The following GRM8 variants were observed in gnomAD, a reference collection of about 807,000 sequenced individuals.
GRM8 encodes metabotropic glutamate receptor 8.
A neutral mutation model predicts 87.2 loss-of-function variants in GRM8; 47 were observed. The observed-to-expected ratio is 0.54, with a 90% CI of 0.43 to 0.69. The LOEUF (loss-of-function observed/expected upper bound fraction) is 0.69. Ranked by LOEUF, GRM8 falls within the 30% of genes least tolerant of loss-of-function variation. The probability of loss-of-function intolerance (pLI) is 0.00; values close to 1 mark genes in which losing one functional copy is unlikely to be tolerated. For synonymous variants in GRM8, 396 were observed against 404.5 expected (o/e 0.98, Z 0.25); for missense variants, 1,019 against 1,139.2 (o/e 0.89, Z 1.52).
chr7:127,017,166 A>G (rs752614587), intron 3 of GRM8, among the ~76,000 whole-genome samples: 1 of 152,098 alleles, frequency 6.6e-6, no homozygotes, highest in Non-Finnish European at 1.5e-5. Flanking sequence ...CTGTTTTCTG[A>G]TATTTTCATC....
Position 126,902,687 on chromosome 7 carries a change from A to C in GRM8, c.1019-8T>G. 1 of 1,555,784 alleles carries C rather than the reference A, an allele frequency of 6.4e-7. No homozygotes were observed. The highest frequency in any genetic ancestry group is 1.2e-5 in the South Asian group (1 of 84,564). On this transcript the variant is annotated splice_region_variant and splice_polypyrimidine_tract_variant and intron_variant, in intron 5 of 10. Transcript: ENST00000339582. Reference sequence around the variant, plus strand: ...TAAAGTATCGATCAAATCCTATTTCAAAGGAGAAAGGTATGATTTTAATAT... The same window carrying C: ...TAAAGTATCGATCAAATCCTATTTCCAAGGAGAAAGGTATGATTTTAATAT...
intron 8 of GRM8, among the ~76,000 whole-genome samples, chr7:126,571,708 T>C (rs562519039): frequency 2.6e-5 from 4 of 151,868 alleles, no homozygotes; most frequent in South Asian, 2.1e-4. Flanking sequence ...TCGTTTTTCA[T>C]AGCAGCAGAG....
chr7:127,133,386 C>G (rs1827789172), intron 2 of GRM8, among the ~76,000 whole-genome samples: 1 of 151,842 alleles, frequency 6.6e-6, no homozygotes, highest in Non-Finnish European at 1.5e-5. Flanking sequence ...CCATTGCACA[C>G]CAGCCTGGGC....
chr7:126,812,059 C>T (rs1793350054), intron 6 of GRM8, among the ~76,000 whole-genome samples: 1 of 151,904 alleles, frequency 6.6e-6, no homozygotes, highest in Non-Finnish European at 1.5e-5. Context: ...ACACTAAAAA[C>T]CCTGAGTTCG....
chr7:126,810,145 A>G (rs969145513), intron 6 of GRM8, among the ~76,000 whole-genome samples: 1 of 152,152 alleles, frequency 6.6e-6, no homozygotes, highest in South Asian at 2.1e-4. Context: ...AGAAATTCTA[A>G]GTTTAATTGA....
At chr7:126,934,325 G>T (rs1806065442) in intron 3 of GRM8, among the ~76,000 whole-genome samples, 1 of 152,088 alleles carries the variant, frequency 6.6e-6, no homozygotes, top group South Asian at 2.1e-4. Flanking sequence ...GTTCAGTGAT[G>T]GGTCTCCACA....
chr7:126,489,963 C>G (rs1352664309), intron 9 of GRM8, among the ~76,000 whole-genome samples: 1 of 151,946 alleles, frequency 6.6e-6, no homozygotes, highest in African/African-American at 2.4e-5. Context: ...GGTTCTTGGG[C>G]CTTTGAACTC....
At chr7:127,066,315 G>A (rs1821104908) in intron 3 of GRM8, among the ~76,000 whole-genome samples, 1 of 152,178 alleles carries the variant, frequency 6.6e-6, no homozygotes, top group Non-Finnish European at 1.5e-5. Context: ...TAATATCTGT[G>A]TCACAGAATA....
chr7:127,086,555 T>C (rs1454913837), intron 3 of GRM8, among the ~76,000 whole-genome samples: 1 of 152,178 alleles, frequency 6.6e-6, no homozygotes, highest in Non-Finnish European at 1.5e-5. Flanking sequence ...CTCCCCTTCC[T>C]TCAGTACCTA....
At chr7:126,566,495 C>G (rs1794228626) in intron 8 of GRM8, among the ~76,000 whole-genome samples, 1 of 152,104 alleles carries the variant, frequency 6.6e-6, no homozygotes, top group Non-Finnish European at 1.5e-5. Flanking sequence ...GGTATCACCT[C>G]ACACCTGTCA....
In GRM8 at chr7:126,737,296, A is replaced by G. The variant is rs4728052; in HGVS notation, c.1357+32569T>C. On this transcript the variant is annotated intron_variant, in intron 7 of 10. Transcript: ENST00000339582. ...TGGTTCATCTGATCTTGTGATCTCC[A>G]CCAAGGAACTGACTCAGTGCAAGAA... Among the ~76,000 whole-genome samples, 260 of 152,022 alleles carry G rather than the reference A, an allele frequency of 1.7e-3. 3 individuals carry two copies. The highest frequency in any genetic ancestry group is 0.015 in the Admixed American group (236 of 15,236).
intron 6 of GRM8, among the ~76,000 whole-genome samples, chr7:126,890,856 T>A (rs1469415498): frequency 6.6e-6 from 1 of 151,946 alleles, no homozygotes; most frequent in East Asian, 1.9e-4. Flanking sequence ...TCCTCAAGGC[T>A]CTATCTCAGG....
chr7:127,020,838 A>G (rs1004476114), intron 3 of GRM8, among the ~76,000 whole-genome samples: 1 of 152,054 alleles, frequency 6.6e-6, no homozygotes, highest in African/African-American at 2.4e-5. Context: ...ATAAATCAGG[A>G]AACAAGAATC....
intron 3 of GRM8, among the ~76,000 whole-genome samples, chr7:127,088,960 T>C (rs1238954786): frequency 2.0e-5 from 3 of 152,130 alleles, no homozygotes; most frequent in Non-Finnish European, 2.9e-5. Flanking sequence ...GCGGACACAA[T>C]TGGAAGCGAA....
intron 7 of GRM8, among the ~76,000 whole-genome samples, chr7:126,643,337 T>C (rs1233202714): frequency 4.1e-5 from 4 of 98,324 alleles, no homozygotes; most frequent in African/African-American, 2.0e-4. Context: ...TATATATATA[T>C]ATATATATAT....
intron 9 of GRM8, among the ~76,000 whole-genome samples, chr7:126,499,886 G>A (rs1340178097): frequency 6.9e-6 from 1 of 144,642 alleles, no homozygotes; most frequent in Non-Finnish European, 1.5e-5. Context: ...GGTAATTATA[G>A]TTAATAACAC....
intron 2 of GRM8, among the ~76,000 whole-genome samples, chr7:127,179,229 A>C (rs1794295237): frequency 6.6e-6 from 1 of 152,214 alleles, no homozygotes; most frequent in South Asian, 2.1e-4. Flanking sequence ...AACAAACTTT[A>C]AAGCAACAGC....
At chr7:126,711,965 A>G (rs2151427690) in intron 7 of GRM8, among the ~76,000 whole-genome samples, 1 of 152,342 alleles carries the variant, frequency 6.6e-6, no homozygotes, top group East Asian at 1.9e-4. Context: ...ATAAGCAATA[A>G]GACTGTTTCA....
At chr7:127,107,698 A>T (rs1242714584) in intron 2 of GRM8, among the ~76,000 whole-genome samples, 1 of 152,212 alleles carries the variant, frequency 6.6e-6, no homozygotes, top group Non-Finnish European at 1.5e-5. Flanking sequence ...ACAGGGCTGC[A>T]CACTCTGGGA....
Sources: gnomAD v4.1 joint callset for allele counts (sites outside exome capture counted in the v4.1 genomes callset) on GRCh38, gnomAD v4.1.1 for gene constraint, MANE v1.5 for transcripts, NCBI Gene and HGNC (gene_info 2026-07-23, HGNC 2026-07-21) for gene names.